The following RIF1 variants were observed in gnomAD, a reference collection of about 807,000 sequenced individuals.
RIF1 encodes telomere-associated protein RIF1.
Under a neutral mutation model 247.1 loss-of-function variants are expected in RIF1, and 45 were observed. The observed-to-expected ratio is 0.18, with a 90% CI of 0.14 to 0.23. The LOEUF is 0.23. Ranked by LOEUF, RIF1 falls within the 10% of genes least tolerant of loss-of-function variation. The pLI is 1.00. For synonymous variants in RIF1, 1,087 were observed against 978.8 expected (o/e 1.11, Z -2.06); for missense variants, 2,967 against 2,862.5 (o/e 1.04, Z -0.83).
At chr2:151,502,942 A>T (rs1292577481) in intron 11 of RIF1, 1 of 1,065,012 alleles carries the variant, frequency 9.4e-7, no homozygotes, top group Non-Finnish European at 1.4e-6. Flanking sequence ...GAGAGTAAGG[A>T]AGGAAGGAAA....
chr2:151,418,751 G>A (rs953036394), intron 6 of RIF1, among the ~76,000 whole-genome samples: 2 of 151,956 alleles, frequency 1.3e-5, no homozygotes, highest in African/African-American at 4.8e-5. Flanking sequence ...ACGCGTGCCT[G>A]TAATCTCAGC....
chr2:151,523,816 T>C, the RIF1 span, among the ~76,000 whole-genome samples: 1 of 152,190 alleles, frequency 6.6e-6, no homozygotes, highest in Non-Finnish European at 1.5e-5. Flanking sequence ...GATTTATCCA[T>C]GGACAAGTAA....
chr2:151,420,734 CAAAAA>C (rs35285535), intron 7 of RIF1, among the ~76,000 whole-genome samples: 1 of 111,838 alleles, frequency 8.9e-6, no homozygotes. Flanking sequence ...GACCCTGTCT[CAAAAA>C]AAAAAAAAAA....
chr2:151,419,800 G>A (rs990086643), intron 6 of RIF1, among the ~76,000 whole-genome samples: 13 of 152,296 alleles, frequency 8.5e-5, no homozygotes, highest in African/African-American at 3.1e-4. Flanking sequence ...ATAGGAACTT[G>A]TCAGGTCCCT....
Position 151,476,075 on chromosome 2 carries a change from T to TA in RIF1, c.*1005dup, listed in dbSNP as rs2048914139. 1 of 152,188 alleles carries TA rather than the reference T, an allele frequency of 6.6e-6. No individual in the cohort carries two copies. The highest frequency in any genetic ancestry group is 6.5e-5 in the Admixed American group (1 of 15,272). The allele number at this position is 152,188 out of a possible 1,614,324, so 9.4% of individuals were successfully genotyped here. On this transcript the variant is annotated 3_prime_UTR_variant, in exon 36 of 36. Coordinates refer to ENST00000444746, the MANE Select transcript of RIF1 (RefSeq NM_018151.5). ...TAAAATTATAGAAATAAGAAAATGTTACACAACTTTGCTGTTCATACCCTT... is the reference window on the plus strand; with the variant it reads ...TAAAATTATAGAAATAAGAAAATGTTAACACAACTTTGCTGTTCATACCCTT...
rs748700575 is a variant in RIF1 at position 151,410,564 on chromosome 2, G to A, written c.104+37G>A. The stretch of plus-strand genomic sequence containing the variant: ...CACGGGGCGTAGCGGAGAGTGGGGC[G>A]CTCTATAGTGGGGAGAAAGAAGGTG... On this transcript the variant is annotated intron_variant, in intron 2 of 35. Coordinates refer to ENST00000444746, the MANE Select transcript of RIF1 (RefSeq NM_018151.5). The A allele has an allele frequency of 3.3e-6, 5 of 1,502,862 alleles. No individual in the cohort carries two copies. The Admixed American group carries it at 6.9e-5, about 21-fold the overall frequency. 93.1% of individuals were successfully genotyped at this position (1,502,862 alleles called of 1,614,324 possible). A position where few individuals can be genotyped will look rare whatever the true frequency, so the allele number is the denominator to read the frequency against.
intron 9 of RIF1, chr2:151,493,830 G>C: frequency 6.3e-7 from 1 of 1,586,410 alleles, no homozygotes; most frequent in Non-Finnish European, 8.6e-7. Context: ...AGTAAAGGGT[G>C]TGGGGGTTGC....
At chr2:151,498,988 C>T (rs943637563) in intron 10 of RIF1, among the ~76,000 whole-genome samples, 1 of 151,808 alleles carries the variant, frequency 6.6e-6, no homozygotes, top group Non-Finnish European at 1.5e-5. Context: ...TTGCAAAATA[C>T]ATTTGTTTAA....
chr2:151,469,587 C>A, intron 33 of RIF1, 124 bp from the exon 34 acceptor site: 1 of 674,112 alleles, frequency 1.5e-6, no homozygotes, highest in Non-Finnish European at 2.2e-6. Flanking sequence ...ATGTGCCTGT[C>A]TTCACTGTGG....
chr2:151,498,312 G>A, intron 10 of RIF1: 2 of 1,551,366 alleles, frequency 1.3e-6, no homozygotes, highest in Non-Finnish European at 1.7e-6. Context: ...AGGAGTGATG[G>A]GGATTGGAAT....
rs368135069 is a variant in RIF1, at chr2:151,500,644, T to C, written c.*709+1104T>C. On this transcript the variant is annotated intron_variant and NMD_transcript_variant, in intron 11 of 13. Transcript: ENST00000454583. ...AGGGTCTCACTCCTGTTGCCTAGGC[T>C]GGAGTACAGTGGCACAATCACGGCT... 2.8e-4 allele frequency among the ~76,000 whole-genome samples: 41 copies of C among 146,534 alleles called. No individual in the cohort carries two copies. In the South Asian group the frequency reaches 9.0e-3, roughly 32 times the overall value.
rs749894594 is a variant in RIF1 at position 151,455,031 on chromosome 2, C to T, written c.2481C>T (p.Leu827=). ...LSFKEAHSDT[L]FTIGNSITGI... is the part of the protein sequence containing the mutation. ...TCAAGGAAGCACATTCTGATACCCT[C>T]TTCACTATTGGCAACTCAATCACCG... is the stretch of plus-strand genomic sequence containing the variant. Residue 827 remains leucine, a synonymous_variant, in exon 22 of 36, where the codon CTC becomes CTT. Transcript: ENST00000444746. 1.2e-6 allele frequency: 2 copies of T among 1,613,792 alleles called. No homozygotes were observed. The highest frequency in any genetic ancestry group is 3.3e-5 in the Admixed American group (2 of 59,990).
Position 151,468,771 on chromosome 2 carries a change from A to G in RIF1, c.6941+15A>G, listed in dbSNP as rs376434607. On this transcript the variant is annotated intron_variant, in intron 33 of 35. Transcript: ENST00000444746. ...TCAAACATGTGGTAAGTGGTTATTT[A>G]GGCTTCTTGCTTATATTCCAAGATG... is the stretch of plus-strand genomic sequence containing the variant. 3 of 1,558,954 alleles carry G rather than the reference A, an allele frequency of 1.9e-6. No homozygotes were observed. Among genetic ancestry groups the G allele is most frequent in the East Asian group, 4.5e-5 (2 of 44,584 alleles).
rs568409508 is a variant in RIF1, at chr2:151,491,560, A to C, written c.*416-3669A>C. The C allele has an allele frequency of 7.3e-6, 6 of 823,232 alleles. No individual in the cohort carries two copies. In the African/African-American group the frequency reaches 8.6e-5, roughly 12 times the overall value. The allele number at this position is 823,232 out of a possible 1,614,324, so 51.0% of individuals were successfully genotyped here. A position where few individuals can be genotyped will look rare whatever the true frequency, so the allele number is the denominator to read the frequency against. The stretch of plus-strand genomic sequence containing the variant: ...TAGTTAACAAGGTATTTTTATGCCA[A>C]ATGGGCAGCTCAGAAAATGGAAAAC... On this transcript the variant is annotated intron_variant and NMD_transcript_variant, in intron 9 of 13. Transcript: ENST00000454583.
intron 8 of RIF1, among the ~76,000 whole-genome samples, chr2:151,424,260 T>C (rs113694183): frequency 0.011 from 1,750 of 152,214 alleles, 10 homozygotes; most frequent in Middle Eastern, 0.024. Flanking sequence ...TGTGCCAGTA[T>C]GTCCGGCTAA....
downstream of RIF1, chr2:151,485,976 T>A (rs1440671459): frequency 6.3e-7 from 1 of 1,581,896 alleles, no homozygotes; most frequent in African/African-American, 1.3e-5. Context: ...TATGTTGGAT[T>A]TGCAACAGTT....
chr2:151,452,214 A>C (rs1694433712), intron 21 of RIF1, among the ~76,000 whole-genome samples: 1 of 152,226 alleles, frequency 6.6e-6, no homozygotes, highest in Non-Finnish European at 1.5e-5. Flanking sequence ...TAAATGATTA[A>C]AATTGGACAA....
At chr2:151,506,182 T>C in intron 12 of RIF1, 1 of 1,612,458 alleles carries the variant, frequency 6.2e-7, no homozygotes, top group Non-Finnish European at 8.5e-7. Flanking sequence ...AATGTGGTCC[T>C]GTGTTTGTTT....
At chr2:151,482,998 A>G (rs1489354066), downstream of RIF1, among the ~76,000 whole-genome samples, 2 of 151,820 alleles carry the variant, frequency 1.3e-5, no homozygotes, top group East Asian at 3.9e-4. Flanking sequence ...TTTTATAAGG[A>G]TAGCAAGGCC....
Sources: gnomAD v4.1 joint callset for allele counts (sites outside exome capture counted in the v4.1 genomes callset) on GRCh38, gnomAD v4.1.1 for gene constraint, MANE v1.5 for transcripts, NCBI Gene and HGNC (gene_info 2026-07-23, HGNC 2026-07-21) for gene names.